ARMC2: variants seen among roughly 807,000 people sequenced by gnomAD.
ARMC2 encodes the protein armadillo repeat-containing protein 2.
A neutral mutation model predicts 90.3 loss-of-function variants in ARMC2; 67 were observed. The observed-to-expected ratio is 0.74, with a 90% CI of 0.61 to 0.91. The LOEUF (loss-of-function observed/expected upper bound fraction) is 0.91, where lower values mean the gene tolerates loss of function less well. Ranked by LOEUF, ARMC2 falls within the 40% of genes least tolerant of loss-of-function variation. The pLI, the probability that ARMC2 is intolerant of heterozygous loss-of-function variation, is 0.00. For missense variants in ARMC2, 920 were observed against 1,030.9 expected (o/e 0.89, Z 1.47); for synonymous variants, 393 against 393.0 (o/e 1.00, Z 0.00).
the ARMC2 span, among the ~76,000 whole-genome samples, chr6:109,028,967 T>C: frequency 2.0e-5 from 3 of 152,238 alleles, no homozygotes; most frequent in Non-Finnish European, 4.4e-5. Flanking sequence ...TTTATGTATA[T>C]TAACTGTCTC....
chr6:108,935,875 T>A (rs1301646359), intron 11 of ARMC2, among the ~76,000 whole-genome samples: 1 of 152,236 alleles, frequency 6.6e-6, no homozygotes, highest in East Asian at 1.9e-4. Context: ...TTAAATTTAT[T>A]TTTTAAATGA....
chr6:108,874,245 G>C (rs769568014), intron 4 of ARMC2, among the ~76,000 whole-genome samples: 1 of 152,202 alleles, frequency 6.6e-6, no homozygotes, highest in East Asian at 1.9e-4. Context: ...TAGATTTGAA[G>C]ATAGACAGGT....
intron 17 of ARMC2, 85 bp from the exon 18 acceptor site, chr6:108,973,272 G>A (rs1778881964): frequency 1.6e-6 from 2 of 1,238,746 alleles, no homozygotes; most frequent in Middle Eastern, 2.0e-4. Context: ...CCCAGGGTGA[G>A]TTTAACTCAT....
intron 4 of ARMC2, among the ~76,000 whole-genome samples, chr6:108,873,077 G>A (rs1044253791): frequency 1.3e-5 from 2 of 152,082 alleles, no homozygotes; most frequent in Non-Finnish European, 2.9e-5. Flanking sequence ...TTCTGTAAAG[G>A]GCCAGATAGT....
At chr6:108,962,557 A>G (rs1778072864) in intron 15 of ARMC2, among the ~76,000 whole-genome samples, 1 of 152,244 alleles carries the variant, frequency 6.6e-6, no homozygotes, top group South Asian at 2.1e-4. Context: ...TTTAAAAGCA[A>G]TAGGAGGATA....
intron 4 of ARMC2, among the ~76,000 whole-genome samples, chr6:108,875,812 C>T (rs991890926): frequency 1.3e-5 from 2 of 152,060 alleles, no homozygotes; most frequent in African/African-American, 4.8e-5. Context: ...TGATCAAATT[C>T]AGGAGGAAGA....
intron 16 of ARMC2, among the ~76,000 whole-genome samples, chr6:108,964,532 G>T (rs1251378766): frequency 1.3e-5 from 2 of 152,132 alleles, no homozygotes; most frequent in African/African-American, 2.4e-5. Context: ...CCAGCATTTT[G>T]GGAGGCCGAG....
At chr6:108,893,257 C>T (rs1250840757) in intron 5 of ARMC2, among the ~76,000 whole-genome samples, 1 of 152,060 alleles carries the variant, frequency 6.6e-6, no homozygotes, top group African/African-American at 2.4e-5. Flanking sequence ...AATTTATTTT[C>T]AGTTTTTTAA....
At chr6:108,858,556 T>C (rs1429187029) in intron 3 of ARMC2, among the ~76,000 whole-genome samples, 1 of 151,390 alleles carries the variant, frequency 6.6e-6, no homozygotes, top group Non-Finnish European at 1.5e-5. Context: ...CTTTCTTAGT[T>C]ATACATATGT....
chr6:108,899,861 T>C (rs1771953535), intron 7 of ARMC2, 69 bp downstream of exon 7: 2 of 1,191,864 alleles, frequency 1.7e-6, no homozygotes, highest in Admixed American at 2.3e-5. Flanking sequence ...TAGTTATTTA[T>C]GTGTTCCCCA....
At chr6:109,038,961 GAGA>G in the ARMC2 span, among the ~76,000 whole-genome samples, 4 of 146,748 alleles carry the variant, frequency 2.7e-5, no homozygotes, top group Admixed American at 1.4e-4. Context: ...AGGGAGAAGG[GAGA>G]AGAAGGAAAA....
chr6:108,986,585 AAATTTGATAACCC>A, the ARMC2 span: 7 of 152,794 alleles, frequency 4.6e-5, no homozygotes, highest in Non-Finnish European at 7.3e-5. Flanking sequence ...TTTGTAAATC[AAATTTGATAACCC>A]GACTAAAAAT....
At chr6:108,898,869 A>G (rs1562365846) in intron 6 of ARMC2, among the ~76,000 whole-genome samples, 1 of 152,218 alleles carries the variant, frequency 6.6e-6, no homozygotes, top group African/African-American at 2.4e-5. Context: ...CCTACAACCC[A>G]TATTCACAGG....
intron 11 of ARMC2, among the ~76,000 whole-genome samples, chr6:108,933,078 G>GTT (rs199897723): frequency 2.8e-4 from 41 of 148,860 alleles, no homozygotes; most frequent in South Asian, 6.4e-4. Flanking sequence ...TTTTAAAATA[G>GTT]TTTTTTTTTT....
At chr6:108,939,752 C>T (rs775746681) in intron 12 of ARMC2, among the ~76,000 whole-genome samples, 3 of 152,118 alleles carry the variant, frequency 2.0e-5, no homozygotes, top group Non-Finnish European at 4.4e-5. Context: ...CCTTGTAAAC[C>T]ATGTACAGTA....
chr6:109,024,468 C>A, the ARMC2 span, among the ~76,000 whole-genome samples: 2 of 152,090 alleles, frequency 1.3e-5, no homozygotes, highest in Admixed American at 1.3e-4. Flanking sequence ...CTGACAGCAC[C>A]GCCCTCTCCC....
At chr6:108,858,033 C>G (rs1049460762) in intron 2 of ARMC2, among the ~76,000 whole-genome samples, 166 bp from the exon 3 acceptor site, 4 of 152,176 alleles carry the variant, frequency 2.6e-5, no homozygotes, top group African/African-American at 9.7e-5. Context: ...AATCAAAAGA[C>G]TTGTTAATCA....
intron 12 of ARMC2, among the ~76,000 whole-genome samples, chr6:108,951,711 C>A (rs750778978): frequency 2.1e-4 from 32 of 152,258 alleles, no homozygotes; most frequent in African/African-American, 6.5e-4. Flanking sequence ...ACGCCCCTCA[C>A]GGGGCCCCTG....
the ARMC2 span, among the ~76,000 whole-genome samples, chr6:109,040,451 A>C: frequency 6.6e-6 from 1 of 152,154 alleles, no homozygotes; most frequent in Non-Finnish European, 1.5e-5. Flanking sequence ...TGGGAAAGTT[A>C]CTAAGAATTT....
Sources: gnomAD v4.1 joint callset for allele counts (sites outside exome capture counted in the v4.1 genomes callset) on GRCh38, gnomAD v4.1.1 for gene constraint, MANE v1.5 for transcripts, NCBI Gene and HGNC (gene_info 2026-07-23, HGNC 2026-07-21) for gene names.